Variants in PTPRM observed in about 807,000 individuals in gnomAD.
The protein encoded by PTPRM is receptor-type tyrosine-protein phosphatase mu.
Under a neutral mutation model 186.7 loss-of-function variants are expected in PTPRM, and 47 were observed. The observed-to-expected ratio is 0.25, with a 90% CI of 0.20 to 0.32. PTPRM has a LOEUF of 0.32. Among genes scored for constraint, PTPRM ranks in the 10% least tolerant of loss-of-function variants. PTPRM has a pLI of 1.00. For synonymous variants in PTPRM, 668 were observed against 674.9 expected (o/e 0.99, Z 0.16); for missense variants, 1,494 against 1,865.0 (o/e 0.80, Z 3.66).
At chr18:7,948,580 G>A (rs141153549) in intron 5 of PTPRM, among the ~76,000 whole-genome samples, 2 of 152,196 alleles carry the variant, frequency 1.3e-5, no homozygotes, top group Admixed American at 6.5e-5. Context: ...GGGATGTAGA[G>A]AGGAACCTCT....
chr18:7,631,595 T>C (rs2144082673), intron 1 of PTPRM, among the ~76,000 whole-genome samples: 1 of 152,258 alleles, frequency 6.6e-6, no homozygotes, highest in Non-Finnish European at 1.5e-5. Context: ...TGGCTTTGAA[T>C]GTGGCCCAAC....
chr18:8,231,815 A>G (rs2094289968), intron 14 of PTPRM, among the ~76,000 whole-genome samples: 1 of 152,106 alleles, frequency 6.6e-6, no homozygotes, highest in South Asian at 2.1e-4. Context: ...TTCACCACAT[A>G]AGTGAGCAGA....
At chr18:7,670,187 T>TTC (rs397821976) in intron 1 of PTPRM, among the ~76,000 whole-genome samples, 1 of 152,132 alleles carries the variant, frequency 6.6e-6, no homozygotes, top group African/African-American at 2.4e-5. Flanking sequence ...TACCTTTTTT[T>TTC]CATGAAGCTT....
chr18:8,209,963 A>G (rs1313230051), intron 14 of PTPRM, among the ~76,000 whole-genome samples: 3 of 145,830 alleles, frequency 2.1e-5, no homozygotes, highest in East Asian at 4.2e-4. Context: ...CTTTCTGCAC[A>G]TGTATCCCGG....
intron 2 of PTPRM, among the ~76,000 whole-genome samples, chr18:7,808,038 C>T (rs951185481): frequency 6.6e-5 from 10 of 152,108 alleles, no homozygotes; most frequent in African/African-American, 1.7e-4. Flanking sequence ...TGTGTCCCTG[C>T]GTCTTATGCA....
intron 7 of PTPRM, among the ~76,000 whole-genome samples, chr18:8,028,095 C>T (rs1434826025): frequency 1.3e-5 from 2 of 152,140 alleles, no homozygotes; most frequent in Non-Finnish European, 1.5e-5. Flanking sequence ...CTCCGCCTCC[C>T]GAGCTCAAGC....
chr18:8,358,249 G>GCACACACACA (rs144869213), intron 23 of PTPRM, among the ~76,000 whole-genome samples: 14,878 of 147,524 alleles, frequency 0.1, 871 homozygotes, highest in South Asian at 0.17. Flanking sequence ...CACATGACAC[G>GCACACACACA]CACACACACA....
chr18:7,774,472 A>T (rs573177786), intron 2 of PTPRM, among the ~76,000 whole-genome samples: 13 of 152,324 alleles, frequency 8.5e-5, no homozygotes, highest in African/African-American at 3.1e-4. Flanking sequence ...AGTCTAAATT[A>T]TACTTCTTTT....
At chr18:7,657,826 C>T (rs1055869193) in intron 1 of PTPRM, among the ~76,000 whole-genome samples, 3 of 152,230 alleles carry the variant, frequency 2.0e-5, no homozygotes, top group Non-Finnish European at 4.4e-5. Context: ...TCCCAGGGAA[C>T]AATGAGGATT....
intron 1 of PTPRM, among the ~76,000 whole-genome samples, chr18:7,647,945 T>C (rs1038610212): frequency 2.6e-5 from 4 of 152,364 alleles, no homozygotes; most frequent in Admixed American, 2.0e-4. Context: ...CCTCGTTTTA[T>C]TGTGCTTTGC....
intron 1 of PTPRM, among the ~76,000 whole-genome samples, chr18:7,577,110 T>C (rs1598442701): frequency 6.6e-6 from 1 of 152,344 alleles, no homozygotes; most frequent in East Asian, 1.9e-4. Context: ...CTATCAAGTT[T>C]GACTTAGGTA....
chr18:7,824,426 C>T (rs1459251616), intron 2 of PTPRM, among the ~76,000 whole-genome samples: 1 of 151,498 alleles, frequency 6.6e-6, no homozygotes, highest in Non-Finnish European at 1.5e-5. Context: ...GTTGGATTTT[C>T]CTGTGTGTGT....
intron 23 of PTPRM, among the ~76,000 whole-genome samples, chr18:8,349,174 T>C (rs189433922): frequency 3.1e-3 from 479 of 152,342 alleles, no homozygotes; most frequent in Middle Eastern, 6.8e-3. Flanking sequence ...CATCTTCTTT[T>C]GTGCAACAGC....
chr18:8,356,526 C>T (rs1198634120), intron 23 of PTPRM, among the ~76,000 whole-genome samples: 2 of 152,146 alleles, frequency 1.3e-5, no homozygotes, highest in African/African-American at 2.4e-5. Context: ...CAGGATGGCA[C>T]CCTCTCCTGG....
intron 17 of PTPRM, among the ~76,000 whole-genome samples, chr18:8,249,654 G>A (rs1354079227): frequency 6.6e-6 from 1 of 152,174 alleles, no homozygotes; most frequent in African/African-American, 2.4e-5. Context: ...AACGTGCCTT[G>A]TCAGAAGGAA....
intron 29 of PTPRM, among the ~76,000 whole-genome samples, chr18:8,380,789 A>C (rs940229632): frequency 2.0e-5 from 3 of 152,156 alleles, no homozygotes; most frequent in African/African-American, 7.2e-5. Flanking sequence ...AGAATGAGCA[A>C]ACCAGAGGAC....
At chr18:7,991,770 A>G (rs533678995) in intron 7 of PTPRM, among the ~76,000 whole-genome samples, 1 of 152,230 alleles carries the variant, frequency 6.6e-6, no homozygotes, top group East Asian at 1.9e-4. Flanking sequence ...ATGGTTTCTG[A>G]TTCCCAGAAA....
intron 23 of PTPRM, among the ~76,000 whole-genome samples, chr18:8,347,786 C>T (rs1174836415): frequency 6.6e-6 from 1 of 152,110 alleles, no homozygotes; most frequent in East Asian, 1.9e-4. Context: ...TCAACCATTT[C>T]AGGTCTGGTA....
intron 7 of PTPRM, among the ~76,000 whole-genome samples, chr18:8,042,410 T>C (rs1286354363): frequency 1.3e-5 from 2 of 152,178 alleles, no homozygotes; most frequent in African/African-American, 2.4e-5. Flanking sequence ...GGTTTAAAAA[T>C]TATAACTCTT....
Sources: gnomAD v4.1 joint callset for allele counts (sites outside exome capture counted in the v4.1 genomes callset) on GRCh38, gnomAD v4.1.1 for gene constraint, MANE v1.5 for transcripts, NCBI Gene and HGNC (gene_info 2026-07-23, HGNC 2026-07-21) for gene names.